DOCK3: variants seen among roughly 807,000 people sequenced by gnomAD.
DOCK3 encodes the protein dedicator of cytokinesis protein 3.
DOCK3 carries 60 observed loss-of-function variants against 265.6 expected under a neutral mutation model. The ratio of observed to expected loss-of-function variants is 0.23; its 90% CI spans 0.18 to 0.28. DOCK3 has a LOEUF of 0.28. DOCK3 is among the 10% of genes least tolerant of loss of function. The probability of loss-of-function intolerance (pLI) is 1.00; values close to 1 mark genes in which losing one functional copy is unlikely to be tolerated. For synonymous variants in DOCK3, 881 were observed against 938.0 expected (o/e 0.94, Z 1.11); for missense variants, 1,981 against 2,594.3 (o/e 0.76, Z 5.14).
chr3:50,995,691 T>C (rs761286414), intron 5 of DOCK3, among the ~76,000 whole-genome samples: 16 of 152,098 alleles, frequency 1.1e-4, no homozygotes, highest in Non-Finnish European at 1.9e-4. Context: ...TGAGAACAGT[T>C]CAGGAGGTGT....
At chr3:51,074,460 C>G (rs1252476454) in intron 6 of DOCK3, among the ~76,000 whole-genome samples, 1 of 152,118 alleles carries the variant, frequency 6.6e-6, no homozygotes, top group Non-Finnish European at 1.5e-5. Context: ...TTCTTACTGC[C>G]CCAAAGATCC....
At chr3:51,286,243 G>A (rs997055711) in intron 27 of DOCK3, among the ~76,000 whole-genome samples, 42 of 152,012 alleles carry the variant, frequency 2.8e-4, no homozygotes, top group African/African-American at 1.0e-3. Context: ...AAAGTATCTA[G>A]GAATAAAACT....
At chr3:50,793,358 CTTTTTTT>C (rs568370017) in intron 2 of DOCK3, among the ~76,000 whole-genome samples, 1 of 130,800 alleles carries the variant, frequency 7.6e-6, no homozygotes, top group Non-Finnish European at 1.6e-5. Flanking sequence ...TTTTCTTTTT[CTTTTTTT>C]TTTTTTTTTT....
At chr3:50,936,940 T>C (rs564607059) in intron 5 of DOCK3, among the ~76,000 whole-genome samples, 7 of 152,188 alleles carry the variant, frequency 4.6e-5, no homozygotes, top group Non-Finnish European at 1.0e-4. Context: ...AAGCAAAAAT[T>C]ATAATGTTGA....
At chr3:50,689,271 G>A (rs145284371) in intron 1 of DOCK3, among the ~76,000 whole-genome samples, 102 of 152,262 alleles carry the variant, frequency 6.7e-4, no homozygotes, top group African/African-American at 2.4e-3. Context: ...CTGTACTCAC[G>A]GTGCTAATAA....
rs1057079663 is a variant in DOCK3, at chr3:50,675,245, G to T, written c.-19G>T. Reference sequence around the variant, plus strand: ...TGTCGCCCGGTCGCCGCGCCCGCGGGGCCGCGCCCGGCACGGCCATGTGGA... The same window carrying T: ...TGTCGCCCGGTCGCCGCGCCCGCGGTGCCGCGCCCGGCACGGCCATGTGGA... On this transcript the variant is annotated 5_prime_UTR_variant, in exon 1 of 53. Coordinates refer to ENST00000266037, the MANE Select transcript of DOCK3 (RefSeq NM_004947.5). The surrounding 1 kb of genome is among the most constrained non-coding windows in gnomAD (Gnocchi z 6.1). The T allele has an allele frequency of 8.4e-7, 1 of 1,187,676 alleles. No homozygotes were observed. Among genetic ancestry groups the T allele is most frequent in the African/African-American group, 1.6e-5 (1 of 61,472 alleles). 73.6% of individuals were successfully genotyped at this position (1,187,676 alleles called of 1,614,324 possible).
chr3:50,863,834 A>G (rs1420507833), intron 3 of DOCK3, among the ~76,000 whole-genome samples: 1 of 152,178 alleles, frequency 6.6e-6, no homozygotes, highest in Admixed American at 6.5e-5. Context: ...TTGTATATAT[A>G]CTATATTTTC....
chr3:51,142,592 TG>T (rs2085112949), intron 9 of DOCK3, among the ~76,000 whole-genome samples: 1 of 152,206 alleles, frequency 6.6e-6, no homozygotes, highest in Admixed American at 6.5e-5. Context: ...AATTGTGAAA[TG>T]ATACTCTACT....
intron 13 of DOCK3, among the ~76,000 whole-genome samples, chr3:51,210,987 T>A (rs1197425312): frequency 2.0e-5 from 3 of 152,224 alleles, no homozygotes. Flanking sequence ...AACTGAACTT[T>A]TAACAGTTCC....
chr3:51,016,952 T>C (rs62257843), intron 5 of DOCK3, among the ~76,000 whole-genome samples: 8,325 of 34,594 alleles, frequency 0.24, 533 homozygotes, highest in Middle Eastern at 0.33. Flanking sequence ...TTATATATAA[T>C]ATATATATTA....
intron 4 of DOCK3, among the ~76,000 whole-genome samples, chr3:50,916,849 A>G (rs1244212530): frequency 7.0e-6 from 1 of 142,616 alleles, no homozygotes; most frequent in Non-Finnish European, 1.5e-5. Context: ...TCCGTTTCAA[A>G]AAAAAAAAAA....
intron 5 of DOCK3, among the ~76,000 whole-genome samples, chr3:50,940,591 A>G (rs766058171): frequency 2.5e-4 from 38 of 152,190 alleles, no homozygotes; most frequent in African/African-American, 4.8e-5. Flanking sequence ...TAAATTAAAA[A>G]TAAAATTTCT....
intron 9 of DOCK3, among the ~76,000 whole-genome samples, chr3:51,142,693 A>G (rs949738584): frequency 3.3e-5 from 5 of 152,130 alleles, no homozygotes; most frequent in Admixed American, 3.3e-4. Context: ...ATATTTATAT[A>G]TAGATCTTTG....
intron 1 of DOCK3, among the ~76,000 whole-genome samples, chr3:50,744,927 A>G (rs1559582937): frequency 6.6e-6 from 1 of 151,998 alleles, no homozygotes; most frequent in African/African-American, 2.4e-5. Context: ...CTATATGTCT[A>G]CCCTTATGTT....
intron 4 of DOCK3, among the ~76,000 whole-genome samples, chr3:50,927,054 C>G (rs998515510): frequency 6.6e-6 from 1 of 152,220 alleles, no homozygotes; most frequent in South Asian, 2.1e-4. Context: ...TCCTGTCACC[C>G]TGTAACCTTC....
chr3:51,271,154 T>A (rs1212673646), intron 24 of DOCK3, 147 bp downstream of exon 24: 2 of 936,106 alleles, frequency 2.1e-6, no homozygotes, highest in Non-Finnish European at 3.2e-6. Context: ...AATTTTTTGA[T>A]AAACTATAAT....
intron 5 of DOCK3, among the ~76,000 whole-genome samples, chr3:51,023,978 T>C (rs1390902120): frequency 1.3e-5 from 2 of 152,232 alleles, no homozygotes; most frequent in Non-Finnish European, 2.9e-5. Context: ...TTTCTGGATT[T>C]ATTTCTAATT....
At chr3:51,105,113 G>A (rs932296589) in intron 9 of DOCK3, among the ~76,000 whole-genome samples, 2 of 152,194 alleles carry the variant, frequency 1.3e-5, no homozygotes, top group African/African-American at 4.8e-5. Context: ...GCAGTGGCAG[G>A]AAGCACCACA....
intron 5 of DOCK3, among the ~76,000 whole-genome samples, chr3:50,999,285 T>G (rs2078389335): frequency 6.6e-6 from 1 of 152,260 alleles, no homozygotes; most frequent in Non-Finnish European, 1.5e-5. Flanking sequence ...AAGAGAGGGT[T>G]CGTTGAAAGA....
Sources: gnomAD v4.1 joint callset for allele counts (sites outside exome capture counted in the v4.1 genomes callset) on GRCh38, gnomAD v4.1.1 for gene constraint, Gnocchi (gnomAD v3.1) non-coding constraint, MANE v1.5 for transcripts, NCBI Gene and HGNC (gene_info 2026-07-23, HGNC 2026-07-21) for gene names.